SAMM50: variants seen among roughly 807,000 people sequenced by gnomAD.
The protein encoded by SAMM50 is SAMM50 sorting and assembly machinery component, also known as sorting and assembly machinery component 50 homolog.
SAMM50 carries 47 observed loss-of-function variants against 66.9 expected under a neutral mutation model. The observed-to-expected ratio is 0.70, with a 90% confidence interval of 0.56 to 0.90. The LOEUF (loss-of-function observed/expected upper bound fraction) is 0.90, where lower values mean the gene tolerates loss of function less well. Among genes scored for constraint, SAMM50 ranks in the 40% least tolerant of loss-of-function variants. SAMM50 has a pLI of 0.00. For synonymous variants in SAMM50, 191 were observed against 214.1 expected (o/e 0.89, Z 0.94); for missense variants, 535 against 595.3 (o/e 0.90, Z 1.05).
Position 43,977,933 on chromosome 22 carries a change from T to A in SAMM50, c.911T>A (p.Leu304Ter). 6.2e-7 allele frequency: 1 copy of A among 1,613,170 alleles called. No individual in the cohort carries two copies. Among genetic ancestry groups the A allele is most frequent in the Non-Finnish European group, 8.5e-7 (1 of 1,179,468 alleles). Residue 304 changes from leucine to a stop codon, truncating the protein, a stop_gained, in exon 10 of 15, where the codon TTG (leucine) becomes TAG (stop). Transcript: ENST00000350028. LOFTEE classifies it high-confidence loss of function. ...ATCAAAGAAGATTTTGAACTTCAGT[T>A]GAACAAGCAACTCATATTTGATTCA... is the stretch of plus-strand genomic sequence containing the variant. ...SFIKEDFELQ[L>*]NKQLIFDSVF... is the part of the protein sequence containing the mutation.
chr22:43,984,021 G>A (rs756032905), intron 12 of SAMM50, 21 bp downstream of exon 12: 1 of 1,603,190 alleles, frequency 6.2e-7, no homozygotes, highest in Non-Finnish European at 8.5e-7. Context: ...TCCCCTCACG[G>A]CGCCAAGTCT....
chr22:43,957,885 A>T (rs2050128107), intron 1 of SAMM50, among the ~76,000 whole-genome samples: 1 of 152,056 alleles, frequency 6.6e-6, no homozygotes, highest in Non-Finnish European at 1.5e-5. Context: ...CAGCCTCCTG[A>T]ATAGCTGGGA....
At chr22:43,986,357 G>A (rs2050293944) in intron 12 of SAMM50, 1 of 151,824 alleles carries the variant, frequency 6.6e-6, no homozygotes, top group African/African-American at 2.4e-5. Flanking sequence ...ACTTTAATAT[G>A]AAATTCTAGA....
intron 14 of SAMM50, among the ~76,000 whole-genome samples, chr22:43,995,990 T>C (rs1024667740): frequency 1.3e-5 from 2 of 152,194 alleles, no homozygotes; most frequent in African/African-American, 2.4e-5. Context: ...ACCCACCTTG[T>C]CCTTCCGGCT....
chr22:43,962,713 C>T (rs905866961), intron 1 of SAMM50, among the ~76,000 whole-genome samples: 4 of 152,062 alleles, frequency 2.6e-5, no homozygotes, highest in African/African-American at 9.7e-5. Context: ...TCTGTAACAA[C>T]AGGAGAGCAA....
chr22:43,957,497 A>G (rs2050125810), intron 1 of SAMM50: 1 of 202,560 alleles, frequency 4.9e-6, no homozygotes, highest in South Asian at 7.4e-5. Context: ...ATCTCCACTC[A>G]CTGCAACCTC....
At chr22:43,969,614 G>A (rs554034546) in intron 4 of SAMM50, among the ~76,000 whole-genome samples, 1 of 152,252 alleles carries the variant, frequency 6.6e-6, no homozygotes, top group South Asian at 2.1e-4. Context: ...AAGGGGATCA[G>A]AGAGGGTGTC....
At chr22:43,985,870 G>C (rs1047777405) in intron 12 of SAMM50, among the ~76,000 whole-genome samples, 2 of 151,690 alleles carry the variant, frequency 1.3e-5, no homozygotes, top group Admixed American at 6.6e-5. Flanking sequence ...TAATGGCTGC[G>C]TGTTTTGTCT....
intron 8 of SAMM50, 35 bp downstream of exon 8, chr22:43,976,218 G>C: frequency 6.3e-7 from 1 of 1,587,806 alleles, no homozygotes; most frequent in Non-Finnish European, 8.6e-7. Flanking sequence ...AAATAATTTT[G>C]TTGATGGAAC....
At chr22:43,972,494 G>A (rs2050208894) in intron 5 of SAMM50, 152 bp downstream of exon 5, 4 of 544,022 alleles carry the variant, frequency 7.4e-6, no homozygotes, top group South Asian at 6.4e-5. Flanking sequence ...TTTAATCACC[G>A]TAGAATTGGT....
At chr22:43,956,861 G>A (rs545294232) in intron 1 of SAMM50, among the ~76,000 whole-genome samples, 1 of 152,304 alleles carries the variant, frequency 6.6e-6, no homozygotes, top group East Asian at 1.9e-4. Context: ...TTAAGCAAAA[G>A]CCTTATGATT....
chr22:43,958,954 T>C (rs1300965574), intron 1 of SAMM50, among the ~76,000 whole-genome samples: 2 of 152,100 alleles, frequency 1.3e-5, no homozygotes, highest in East Asian at 1.9e-4. Context: ...CTCATGCTTA[T>C]GTCAAACAAA....
chr22:43,974,359 C>A (rs982119783), intron 7 of SAMM50, among the ~76,000 whole-genome samples: 1 of 152,200 alleles, frequency 6.6e-6, no homozygotes, highest in African/African-American at 2.4e-5. Flanking sequence ...AATGACTCAT[C>A]TGTGAAATGA....
At position 43,989,114 on chromosome 22, in the gene SAMM50, A is replaced by G; in HGVS notation, c.1079A>G (p.Asp360Gly). The change falls in exon 13 of 15, where the codon GAC becomes GGC. Residue 360 changes from aspartate (D) to glycine (G), a missense_variant. Coordinates refer to ENST00000350028, the MANE Select transcript of SAMM50 (RefSeq NM_015380.5). Reference sequence around the variant, plus strand: ...TCTGCACCCCTCCTTTGCTTAGGAGACTACCTAGGTGGAGAAGCGTACTGG... The same window carrying G: ...TCTGCACCCCTCCTTTGCTTAGGAGGCTACCTAGGTGGAGAAGCGTACTGG... Reference protein sequence around the residue: ...MHSIGPQSEGDYLGGEAYWAG... With the variant: ...MHSIGPQSEGGYLGGEAYWAG... 6.2e-7 allele frequency: 1 copy of G among 1,612,888 alleles called. No individual in the cohort carries two copies. The highest frequency in any genetic ancestry group is 8.5e-7 in the Non-Finnish European group (1 of 1,179,564).
Position 43,968,772 on chromosome 22 carries a change from T to A in SAMM50, c.276T>A (p.Arg92=). 4 of 1,613,716 alleles carry A rather than the reference T, an allele frequency of 2.5e-6. No individual in the cohort carries two copies. The South Asian group carries it at 3.3e-5, about 13-fold the overall frequency. ...KSHEAREKLL[R]LGIFRQVDVL... ...ATGAAGCCCGTGAAAAATTGCTCCGTCTTGGAATTTTTAGACAAGTGGATG... is the reference window on the plus strand; with the variant it reads ...ATGAAGCCCGTGAAAAATTGCTCCGACTTGGAATTTTTAGACAAGTGGATG... Residue 92 remains arginine (R), a synonymous_variant, in exon 4 of 15, where the codon CGT becomes CGA. Transcript: ENST00000350028.
chr22:43,976,993 G>A (rs975914672), intron 9 of SAMM50, among the ~76,000 whole-genome samples, 172 bp downstream of exon 9: 1 of 152,224 alleles, frequency 6.6e-6, no homozygotes, highest in Non-Finnish European at 1.5e-5. Context: ...TTCCAGCCCG[G>A]AAATTGCTCC....
intron 14 of SAMM50, among the ~76,000 whole-genome samples, chr22:43,994,657 C>T (rs1161745931): frequency 6.6e-6 from 1 of 152,126 alleles, no homozygotes; most frequent in Non-Finnish European, 1.5e-5. Context: ...GAGCCCTGCA[C>T]CAAGACAGCG....
chr22:43,990,302 G>A lies in SAMM50; in HGVS notation c.1260G>A (p.Glu420=), dbSNP rs767575610. ...AAGCTCATATTCGTAAGCTGGCTGA[G>A]TGCATCCGCTGGTCGTACGGGGCCG... ...GPKAHIRKLA[E]CIRWSYGAGI... is the part of the protein sequence containing the mutation. Residue 420 remains glutamate (E), a synonymous_variant, in exon 14 of 15, where the codon GAG becomes GAA. Coordinates refer to ENST00000350028, the MANE Select transcript of SAMM50 (RefSeq NM_015380.5). The A allele has an allele frequency of 6.2e-7, 1 of 1,614,180 alleles. No homozygotes were observed. The highest frequency in any genetic ancestry group is 1.1e-5 in the South Asian group (1 of 91,084).
intron 7 of SAMM50, among the ~76,000 whole-genome samples, chr22:43,973,535 T>C (rs77764932): frequency 3.0e-4 from 46 of 152,328 alleles, no homozygotes; most frequent in Non-Finnish European, 5.4e-4. Flanking sequence ...CTCCTTAACC[T>C]GGTCCTGACT....
Sources: gnomAD v4.1 joint callset for allele counts (sites outside exome capture counted in the v4.1 genomes callset) on GRCh38, gnomAD v4.1.1 for gene constraint, MANE v1.5 for transcripts, NCBI Gene and HGNC (gene_info 2026-07-23, HGNC 2026-07-21) for gene names.